NBAS: variants seen among roughly 807,000 people sequenced by gnomAD.
NBAS encodes NAG/BC035112 fusion.
NBAS carries 219 observed loss-of-function variants against 302.5 expected under a neutral mutation model. The ratio of observed to expected loss-of-function variants is 0.72; its 90% CI spans 0.65 to 0.81. NBAS has a LOEUF of 0.81. Ranked by LOEUF, NBAS falls within the 30% of genes least tolerant of loss-of-function variation. The probability of loss-of-function intolerance (pLI) is 0.00; values close to 1 mark genes in which losing one functional copy is unlikely to be tolerated. For synonymous variants in NBAS, 1,118 were observed against 1,021.6 expected, an observed-to-expected ratio of 1.09 and a Z score of -1.80; for missense variants, 2,932 against 2,841.6, an observed-to-expected ratio of 1.03 and a Z score of -0.72.
intron 21 of NBAS, among the ~76,000 whole-genome samples, chr2:15,440,102 C>A (rs1432954503): frequency 6.6e-6 from 1 of 152,256 alleles, no homozygotes; most frequent in Non-Finnish European, 1.5e-5. Flanking sequence ...TAAAAGACAG[C>A]AGTAATCTCT....
At chr2:15,528,092 G>C (rs1357673247) in intron 9 of NBAS, among the ~76,000 whole-genome samples, 1 of 151,834 alleles carries the variant, frequency 6.6e-6, no homozygotes. Flanking sequence ...TACAGTATCA[G>C]CCAAGCTACA....
the NBAS span, among the ~76,000 whole-genome samples, chr2:14,833,565 T>G: frequency 1.3e-5 from 2 of 152,142 alleles, no homozygotes; most frequent in Non-Finnish European, 2.9e-5. Flanking sequence ...TTATCACTAT[T>G]CATTTCATAA....
chr2:15,319,181 A>AGATGTTCT (rs1417154900), intron 38 of NBAS, among the ~76,000 whole-genome samples: 15 of 152,340 alleles, frequency 9.8e-5, no homozygotes, highest in African/African-American at 3.6e-4. Flanking sequence ...GCAGAAATAA[A>AGATGTTCT]GATGTTCTTT....
At chr2:15,254,391 ACT>A (rs1364249143) in intron 44 of NBAS, among the ~76,000 whole-genome samples, 1 of 152,042 alleles carries the variant, frequency 6.6e-6, no homozygotes, top group Non-Finnish European at 1.5e-5. Context: ...AGTCAATTAA[ACT>A]CTTTCTTTAC....
At chr2:14,900,388 GAAA>G in the NBAS span, among the ~76,000 whole-genome samples, 2 of 150,384 alleles carry the variant, frequency 1.3e-5, no homozygotes, top group African/African-American at 4.9e-5. Flanking sequence ...GTTCCAAGAA[GAAA>G]AAAAAAGGAA....
chr2:15,357,710 T>C (rs1673693686), intron 32 of NBAS, among the ~76,000 whole-genome samples: 1 of 152,164 alleles, frequency 6.6e-6, no homozygotes, highest in African/African-American at 2.4e-5. Flanking sequence ...TAAATGAGGA[T>C]GAAAAATACA....
intron 42 of NBAS, among the ~76,000 whole-genome samples, chr2:15,281,320 C>T (rs943289452): frequency 6.6e-6 from 1 of 152,152 alleles, no homozygotes; most frequent in Admixed American, 6.5e-5. Context: ...TTAAGAAACA[C>T]TATAGCATAG....
the NBAS span, among the ~76,000 whole-genome samples, chr2:14,845,767 G>A: frequency 8.5e-5 from 13 of 152,190 alleles, 1 homozygote; most frequent in African/African-American, 2.6e-4. Context: ...CAATTCACAG[G>A]CTGAAGAATG....
chr2:15,229,072 T>C (rs993527517), intron 47 of NBAS, among the ~76,000 whole-genome samples: 1 of 152,174 alleles, frequency 6.6e-6, no homozygotes, highest in Non-Finnish European at 1.5e-5. Flanking sequence ...TTGGGCGTTG[T>C]GGCTCATGCC....
At chr2:15,488,792 G>T in intron 12 of NBAS, 102 bp downstream of exon 12, 2 of 1,439,718 alleles carry the variant, frequency 1.4e-6, no homozygotes, top group Non-Finnish European at 9.7e-7. Flanking sequence ...GGAACGATGA[G>T]AATAAACAGC....
chr2:15,366,086 A>G (rs1381017112), intron 32 of NBAS, among the ~76,000 whole-genome samples: 1 of 152,244 alleles, frequency 6.6e-6, no homozygotes, highest in African/African-American at 2.4e-5. Context: ...TAAATGAGAT[A>G]AAATACATGA....
the NBAS span, among the ~76,000 whole-genome samples, chr2:15,129,374 T>G: frequency 5.9e-5 from 9 of 152,118 alleles, no homozygotes; most frequent in Non-Finnish European, 1.3e-4. Flanking sequence ...GCTCCTCCTT[T>G]CACTATTCAG....
At chr2:14,996,531 A>G in the NBAS span, among the ~76,000 whole-genome samples, 3 of 152,138 alleles carry the variant, frequency 2.0e-5, no homozygotes, top group Admixed American at 6.5e-5. Context: ...CCACCTGCCC[A>G]TGTCTCAGCC....
intron 6 of NBAS, among the ~76,000 whole-genome samples, chr2:15,543,898 T>A (rs1449420366): frequency 6.6e-6 from 1 of 152,228 alleles, no homozygotes; most frequent in Non-Finnish European, 1.5e-5. Flanking sequence ...TCAGGAGCTG[T>A]GTCTATTTTG....
downstream of NBAS, among the ~76,000 whole-genome samples, chr2:15,161,943 TGCA>T (rs1184482525): frequency 6.6e-6 from 1 of 152,186 alleles, no homozygotes; most frequent in Admixed American, 6.5e-5. Flanking sequence ...CCACACTACG[TGCA>T]GATGGTCAAT....
chr2:15,515,699 A>T (rs1662357395), intron 9 of NBAS, among the ~76,000 whole-genome samples: 1 of 152,226 alleles, frequency 6.6e-6, no homozygotes. Context: ...CATCATCATC[A>T]CAGTGTTCAG....
the NBAS span, among the ~76,000 whole-genome samples, chr2:15,134,807 T>C: frequency 6.6e-6 from 1 of 152,222 alleles, no homozygotes; most frequent in East Asian, 1.9e-4. Context: ...AACCTCATTT[T>C]TTCCAAATGT....
the NBAS span, among the ~76,000 whole-genome samples, chr2:15,133,594 G>T: frequency 6.6e-6 from 1 of 152,198 alleles, no homozygotes; most frequent in Non-Finnish European, 1.5e-5. Flanking sequence ...AATGAAGGTG[G>T]TTGATGCTAC....
At chr2:15,546,722 C>G (rs965517095) in intron 6 of NBAS, among the ~76,000 whole-genome samples, 2 of 152,078 alleles carry the variant, frequency 1.3e-5, no homozygotes, top group Non-Finnish European at 2.9e-5. Context: ...AGCCAGACTC[C>G]GTCTGAAAAC....
Sources: allele counts gnomAD v4.1 joint callset (sites outside exome capture counted in the v4.1 genomes callset), GRCh38; gene constraint gnomAD v4.1.1; transcripts MANE v1.5; gene names NCBI Gene and HGNC (gene_info 2026-07-23, HGNC 2026-07-21).